Variants in MYO5C observed in about 807,000 individuals in gnomAD.
MYO5C encodes the protein myosin VC.
A neutral mutation model predicts 235.7 loss-of-function variants in MYO5C; 194 were observed. That is an observed-to-expected ratio of 0.82 (90% CI 0.73 to 0.93). The LOEUF is 0.93. Ranked by LOEUF, MYO5C falls within the 40% of genes least tolerant of loss-of-function variation. The pLI, the probability that MYO5C is intolerant of heterozygous loss-of-function variation, is 0.00. For missense variants in MYO5C, 2,038 were observed against 2,127.2 expected (o/e 0.96, Z 0.82); for synonymous variants, 707 against 754.8 (o/e 0.94, Z 1.04).
chr15:52,281,393 C>T (rs146323534), intron 2 of MYO5C, among the ~76,000 whole-genome samples: 297 of 152,310 alleles, frequency 1.9e-3, no homozygotes, highest in African/African-American at 6.7e-3. Flanking sequence ...CACCTGAAGC[C>T]CTGCAGATAT....
intron 40 of MYO5C, 85 bp from the exon 41 acceptor site, chr15:52,194,139 C>A: frequency 7.7e-7 from 1 of 1,293,972 alleles, no homozygotes; most frequent in Non-Finnish European, 1.1e-6. Context: ...CAAAACACAG[C>A]TATCTCTAGT....
At position 52,218,553 on chromosome 15, in the gene MYO5C, C is replaced by T. The variant is rs373589133; in HGVS notation, c.3920G>A (p.Arg1307Gln). The stretch of plus-strand genomic sequence containing the variant: ...CAAAGTGAGCCGGGATGCTTCCTGC[C>T]GGAAGTTACACTTGACTTCACTTTC... ...ETESEVKCNF[R>Q]QEASRLTLEN... Residue 1307 changes from arginine to glutamine, a missense_variant, in exon 32 of 41, where the codon CGG becomes CAG. Coordinates refer to ENST00000261839, the MANE Select transcript of MYO5C (RefSeq NM_018728.4). The T allele has an allele frequency of 5.8e-5, 94 of 1,614,206 alleles. 1 individual carries two copies. Among genetic ancestry groups the T allele is most frequent in the South Asian group, 5.2e-4 (47 of 91,084 alleles).
chr15:52,253,698 G>C (rs760129025), intron 11 of MYO5C, among the ~76,000 whole-genome samples: 1 of 152,210 alleles, frequency 6.6e-6, no homozygotes, highest in Non-Finnish European at 1.5e-5. Flanking sequence ...GACATGGCTT[G>C]GGCCAGCCTG....
chr15:52,199,115 G>T (rs190419001), intron 38 of MYO5C, among the ~76,000 whole-genome samples: 185 of 151,480 alleles, frequency 1.2e-3, no homozygotes, highest in African/African-American at 4.3e-3. Context: ...GGATGGTCTC[G>T]ATCTCCTGAC....
At chr15:52,267,969 C>T (rs1278485970) in intron 8 of MYO5C, among the ~76,000 whole-genome samples, 1 of 152,148 alleles carries the variant, frequency 6.6e-6, no homozygotes, top group Non-Finnish European at 1.5e-5. Flanking sequence ...AAATGACGAC[C>T]ATAATTATTT....
At chr15:52,207,781 C>G (rs1162391677) in intron 36 of MYO5C, among the ~76,000 whole-genome samples, 1 of 152,078 alleles carries the variant, frequency 6.6e-6, no homozygotes, top group Non-Finnish European at 1.5e-5. Context: ...TCCTACAAAT[C>G]AGTAACAAAA....
In MYO5C at chr15:52,219,666, T is replaced by C. The variant is rs945821283; in HGVS notation, c.3785+93A>G. 7.2e-6 allele frequency: 7 copies of C among 978,436 alleles called. No individual in the cohort carries two copies. In the African/African-American group the frequency reaches 1.1e-4, roughly 16 times the overall value. 60.6% of individuals were successfully genotyped at this position (978,436 alleles called of 1,614,324 possible). Reference sequence around the variant, plus strand: ...CATATATATTAATTAGCATCTTGCTTTTTGGCATTAGTAACACATCTTGGT... The same window carrying C: ...CATATATATTAATTAGCATCTTGCTCTTTGGCATTAGTAACACATCTTGGT... On this transcript the variant is annotated intron_variant, in intron 31 of 40. Transcript: ENST00000261839.
At chr15:52,227,833 G>A (rs1596163115) in intron 25 of MYO5C, among the ~76,000 whole-genome samples, 1 of 152,220 alleles carries the variant, frequency 6.6e-6, no homozygotes, top group East Asian at 1.9e-4. Flanking sequence ...AATTCCAAAA[G>A]CTCTTCTAAA....
intron 12 of MYO5C, 126 bp from the exon 13 acceptor site, chr15:52,251,641 TTTTATTTATTTATTTATTTA>T (rs201403762): frequency 3.1e-6 from 1 of 323,748 alleles, no homozygotes; most frequent in Non-Finnish European, 5.2e-6. Context: ...ATTAGAGGCT[TTTTATTTATTTATTTATTTA>T]TTTATTTATT....
intron 1 of MYO5C, among the ~76,000 whole-genome samples, chr15:52,285,053 A>C (rs1271335592): frequency 1.3e-5 from 2 of 152,056 alleles, no homozygotes; most frequent in Non-Finnish European, 2.9e-5. Flanking sequence ...TCATATAAAA[A>C]TGCTGGAGGA....
Position 52,192,589 on chromosome 15 carries a change from A to C in MYO5C, c.*1313T>G, listed in dbSNP as rs1260832147. ...TTGGTGACAGAATAGCACTGGATCC[A>C]CAGGCCAGAGACTAGGAGTGCTTAT... On this transcript the variant is annotated 3_prime_UTR_variant, in exon 41 of 41. Transcript: ENST00000261839. 2 of 152,186 alleles carry C rather than the reference A, an allele frequency of 1.3e-5. No homozygotes were observed. Among genetic ancestry groups the C allele is most frequent in the Non-Finnish European group, 2.9e-5 (2 of 68,034 alleles). The allele number at this position is 152,186 out of a possible 1,614,324, so 9.4% of individuals were successfully genotyped here. A position where few individuals can be genotyped will look rare whatever the true frequency, so the allele number is the denominator to read the frequency against.
chr15:52,252,705 G>A (rs1366910130), intron 12 of MYO5C, among the ~76,000 whole-genome samples: 1 of 151,946 alleles, frequency 6.6e-6, no homozygotes, highest in Admixed American at 6.5e-5. Flanking sequence ...AACTCAGGAA[G>A]CGGAGGTTGC....
chr15:52,200,337 G>A (rs1434447192), intron 38 of MYO5C, among the ~76,000 whole-genome samples: 1 of 152,152 alleles, frequency 6.6e-6, no homozygotes, highest in Admixed American at 6.5e-5. Flanking sequence ...GGAGGCTGAG[G>A]CGAGTGGATC....
Position 52,208,635 on chromosome 15 carries a change from T to C in MYO5C, c.4305A>G (p.Leu1435=). The change falls in exon 36 of 41, where the codon TTA becomes TTG. Residue 1435 remains leucine, a synonymous_variant. Coordinates refer to ENST00000261839, the MANE Select transcript of MYO5C (RefSeq NM_018728.4). Reference sequence around the variant, plus strand: ...AAAAGGACAGCATTTCAAAGTCTTCTAAATGTTCCTTAGGAAAATAAGAAA... The same window carrying C: ...AAAAGGACAGCATTTCAAAGTCTTCCAAATGTTCCTTAGGAAAATAAGAAA... ...NGIKQVVKEH[L]EDFEMLSFWL... The C allele has an allele frequency of 6.2e-7, 1 of 1,614,032 alleles. No homozygotes were observed. Among genetic ancestry groups the C allele is most frequent in the East Asian group, 2.2e-5 (1 of 44,886 alleles).
intron 37 of MYO5C, 185 bp from the exon 38 acceptor site, chr15:52,205,332 G>C (rs1177795287): frequency 3.0e-6 from 2 of 658,354 alleles, no homozygotes. Flanking sequence ...GTTAGGGATG[G>C]ACGGCTGTTT....
At chr15:52,263,450 T>C (rs767898670) in intron 9 of MYO5C, among the ~76,000 whole-genome samples, 1 of 152,144 alleles carries the variant, frequency 6.6e-6, no homozygotes, top group Non-Finnish European at 1.5e-5. Context: ...ACCACTGATG[T>C]CTGATTCAAG....
chr15:52,252,609 AC>A (rs1472392670), intron 12 of MYO5C, among the ~76,000 whole-genome samples: 3 of 152,166 alleles, frequency 2.0e-5, no homozygotes, highest in South Asian at 4.1e-4. Flanking sequence ...CCCCGTCTCT[AC>A]CAAAAATACA....
At chr15:52,246,405 G>A (rs1312544076) in intron 16 of MYO5C, among the ~76,000 whole-genome samples, 1 of 152,146 alleles carries the variant, frequency 6.6e-6, no homozygotes, top group East Asian at 1.9e-4. Context: ...AGGTAGCTCT[G>A]CAGCTTAGGT....
intron 38 of MYO5C, among the ~76,000 whole-genome samples, chr15:52,198,555 T>TTTG (rs557450240): frequency 6.6e-6 from 1 of 152,070 alleles, no homozygotes; most frequent in African/African-American, 2.4e-5. Context: ...TTGCTTAGTT[T>TTTG]TTGTTGTTGT....
Sources: allele counts gnomAD v4.1 joint callset (sites outside exome capture counted in the v4.1 genomes callset), GRCh38; gene constraint gnomAD v4.1.1; transcripts MANE v1.5; gene names NCBI Gene and HGNC (gene_info 2026-07-23, HGNC 2026-07-21).